Variants in ANKRD10 observed in about 807,000 individuals in gnomAD.
ANKRD10 encodes the protein ankyrin repeat domain 10.
Under a neutral mutation model 27.0 loss-of-function variants are expected in ANKRD10, and 14 were observed. The observed-to-expected ratio is 0.52, with a 90% CI of 0.34 to 0.81. The LOEUF is 0.81. Ranked by LOEUF, ANKRD10 falls within the 40% of genes least tolerant of loss-of-function variation. ANKRD10 has a pLI of 0.01. For missense variants in ANKRD10, 493 were observed against 544.0 expected (o/e 0.91, Z 0.93); for synonymous variants, 250 against 224.5 (o/e 1.11, Z -1.01).
At chr13:110,900,747 T>C (rs537667124) in intron 3 of ANKRD10, 1 of 1,232,696 alleles carries the variant, frequency 8.1e-7, no homozygotes, top group East Asian at 4.7e-5. Flanking sequence ...TTCTGTGTGA[T>C]TTAAAACGGG....
At chr13:110,914,702 CG>C in intron 1 of ANKRD10, 22 bp downstream of exon 1, 1 of 1,545,082 alleles carries the variant, frequency 6.5e-7, no homozygotes, top group Non-Finnish European at 8.8e-7. Flanking sequence ...GGGAAAATGG[CG>C]CCTTAAAGCG....
chr13:110,887,174 G>A (rs2064953878), intron 4 of ANKRD10, among the ~76,000 whole-genome samples: 1 of 152,150 alleles, frequency 6.6e-6, no homozygotes, highest in Non-Finnish European at 1.5e-5. Flanking sequence ...TGATGCCCAG[G>A]GCAACTAAAC....
intron 3 of ANKRD10, among the ~76,000 whole-genome samples, 163 bp from the exon 4 acceptor site, chr13:110,893,426 TTC>T (rs2065136445): frequency 6.6e-6 from 1 of 152,250 alleles, no homozygotes; most frequent in African/African-American, 2.4e-5. Context: ...TGTAACTAAC[TTC>T]TCTTATATAC....
chr13:110,908,415 C>G (rs892747827), intron 2 of ANKRD10, among the ~76,000 whole-genome samples: 2 of 152,152 alleles, frequency 1.3e-5, no homozygotes, highest in Non-Finnish European at 2.9e-5. Context: ...AGGCAGCATA[C>G]GAGCTTTGGT....
intron 4 of ANKRD10, among the ~76,000 whole-genome samples, chr13:110,886,216 A>G (rs565447902): frequency 1.3e-5 from 2 of 152,234 alleles, no homozygotes; most frequent in Admixed American, 6.5e-5. Flanking sequence ...GAAACACACT[A>G]GTCTCCCAGC....
At chr13:110,880,634 A>G (rs1202262910) in intron 5 of ANKRD10, among the ~76,000 whole-genome samples, 1 of 152,204 alleles carries the variant, frequency 6.6e-6, no homozygotes, top group Non-Finnish European at 1.5e-5. Flanking sequence ...GAGGTTTTTA[A>G]AAAATCTTCT....
chr13:110,882,442 G>T (rs1038974496), intron 5 of ANKRD10, among the ~76,000 whole-genome samples: 2 of 152,178 alleles, frequency 1.3e-5, no homozygotes, highest in African/African-American at 2.4e-5. Context: ...ATCAAATGAT[G>T]GGAAACACAG....
At chr13:110,914,284 C>A (rs1294137961) in intron 1 of ANKRD10, among the ~76,000 whole-genome samples, 1 of 152,180 alleles carries the variant, frequency 6.6e-6, no homozygotes, top group South Asian at 2.1e-4. Flanking sequence ...CAGCTCGGCT[C>A]CCCGGAAGCC....
chr13:110,887,286 A>G (rs2064957062), intron 4 of ANKRD10, among the ~76,000 whole-genome samples: 1 of 152,218 alleles, frequency 6.6e-6, no homozygotes, highest in South Asian at 2.1e-4. Flanking sequence ...AGGATCAAGC[A>G]GCTTGAAACC....
rs571437478 is a variant in ANKRD10, at chr13:110,879,330, CAAA to C, written c.*304_*306del. ...TTATCTTGATCATATAATCTTTTAA[CAAA>C]AAGAAAAATGGCAATATCTGGTGAC... On this transcript the variant is annotated 3_prime_UTR_variant, in exon 6 of 6. Coordinates refer to ENST00000267339, the MANE Select transcript of ANKRD10 (RefSeq NM_017664.4). 3.3e-6 allele frequency: 1 copy of C among 300,016 alleles called. No homozygotes were observed. Among genetic ancestry groups the C allele is most frequent in the African/African-American group, 2.1e-5 (1 of 48,144 alleles). 18.6% of individuals were successfully genotyped at this position (300,016 alleles called of 1,614,324 possible).
chr13:110,888,067 G>A (rs185137804), intron 4 of ANKRD10, among the ~76,000 whole-genome samples: 220 of 152,160 alleles, frequency 1.4e-3, no homozygotes, highest in African/African-American at 5.1e-3. Flanking sequence ...CGCGGGACCC[G>A]CCAGGGCCCA....
Position 110,879,825 on chromosome 13 carries a change from C to G in ANKRD10, c.1075G>C (p.Ala359Pro), listed in dbSNP as rs754329432. ...TCTTCCACCCAGGAAGGCCTACTGG[C>G]TATGCAGCTACTTGGACTCCCGTTC... ...HLNGSPSSCI[A>P]SRPSWVEDIG... Residue 359 changes from alanine (A) to proline (P), a missense_variant, in exon 6 of 6, where the codon GCC becomes CCC. Transcript: ENST00000267339. The G allele has an allele frequency of 5.6e-6, 9 of 1,614,118 alleles. No homozygotes were observed. Among genetic ancestry groups the G allele is most frequent in the African/African-American group, 1.3e-5 (1 of 74,948 alleles).
At chr13:110,886,205 G>A (rs1411476932) in intron 4 of ANKRD10, among the ~76,000 whole-genome samples, 1 of 152,212 alleles carries the variant, frequency 6.6e-6, no homozygotes, top group Non-Finnish European at 1.5e-5. Flanking sequence ...AGAGGCAGCG[G>A]GAAACACACT....
chr13:110,903,620 A>G (rs1416319490), intron 3 of ANKRD10: 1 of 153,224 alleles, frequency 6.5e-6, no homozygotes, highest in East Asian at 1.9e-4. Flanking sequence ...TATGTACCTG[A>G]TGTCCAAAAA....
intron 2 of ANKRD10, among the ~76,000 whole-genome samples, chr13:110,908,069 C>A (rs772774779): frequency 1.3e-5 from 2 of 151,166 alleles, no homozygotes; most frequent in Non-Finnish European, 3.0e-5. Context: ...AGAAAAGATA[C>A]GTAAGACTAA....
At chr13:110,890,439 C>T (rs1176252873) in intron 4 of ANKRD10, among the ~76,000 whole-genome samples, 4 of 152,112 alleles carry the variant, frequency 2.6e-5, no homozygotes, top group Non-Finnish European at 5.9e-5. Flanking sequence ...TCTATGCTCA[C>T]ACAGACACAA....
intron 2 of ANKRD10, among the ~76,000 whole-genome samples, chr13:110,909,912 T>A (rs920977098): frequency 6.6e-5 from 10 of 152,144 alleles, no homozygotes; most frequent in Admixed American, 6.5e-4. Flanking sequence ...TCTTAAGAGA[T>A]GAAAATTATC....
chr13:110,911,312 C>A (rs1389609130), intron 1 of ANKRD10, among the ~76,000 whole-genome samples: 1 of 151,310 alleles, frequency 6.6e-6, no homozygotes, highest in Non-Finnish European at 1.5e-5. Context: ...ATTAGCCGGG[C>A]GTGGTGGCGG....
Position 110,883,686 on chromosome 13 carries a change from G to A in ANKRD10, c.787+12C>T. The A allele has an allele frequency of 6.2e-7, 1 of 1,613,638 alleles. No individual in the cohort carries two copies. ...TTGTTGTTGCAGCTAACAGGAAACT[G>A]TCCACTCCCACCTGTTACAACAGCA... is the stretch of plus-strand genomic sequence containing the variant. On this transcript the variant is annotated intron_variant, in intron 5 of 5. Transcript: ENST00000267339.
Sources: gnomAD v4.1 joint callset for allele counts (sites outside exome capture counted in the v4.1 genomes callset) on GRCh38, gnomAD v4.1.1 for gene constraint, MANE v1.5 for transcripts, NCBI Gene and HGNC (gene_info 2026-07-23, HGNC 2026-07-21) for gene names.